The following CFAP161 variants were observed in gnomAD, a reference collection of about 807,000 sequenced individuals.
CFAP161 encodes the protein cilia- and flagella-associated protein 161.
CFAP161 carries 25 observed loss-of-function variants against 29.0 expected under a neutral mutation model. The observed-to-expected ratio is 0.86, with a 90% CI of 0.63 to 1.20. The LOEUF (loss-of-function observed/expected upper bound fraction) is 1.20. CFAP161 is among the 50% of genes most tolerant of loss of function. The pLI, the probability that CFAP161 is intolerant of heterozygous loss-of-function variation, is 0.00. For synonymous variants in CFAP161, 116 were observed against 137.4 expected (o/e 0.84, Z 1.09); for missense variants, 367 against 371.9 (o/e 0.99, Z 0.11).
At chr15:81,130,008 T>G (rs1489983265), upstream of CFAP161, among the ~76,000 whole-genome samples, 1 of 151,888 alleles carries the variant, frequency 6.6e-6, no homozygotes, top group Non-Finnish European at 1.5e-5. Flanking sequence ...ACATCAATGA[T>G]CTTAGCCAGA....
rs3086710 is a variant in CFAP161 at position 81,146,831 on chromosome 15, AATATATAT to A, written c.637-982_637-975del. Among the ~76,000 whole-genome samples, 522 of 70,434 alleles carry A rather than the reference AATATATAT, an allele frequency of 7.4e-3. 4 individuals are homozygous for A. The highest frequency in any genetic ancestry group is 0.015 in the Admixed American group (80 of 5,496). The allele number at this position is 70,434 out of a possible 152,430, so 46.2% of individuals were successfully genotyped here. A position where few individuals can be genotyped will look rare whatever the true frequency, so the allele number is the denominator to read the frequency against. On this transcript the variant is annotated intron_variant, in intron 5 of 6. Transcript: ENST00000286732. Reference sequence around the variant, plus strand: ...TTTGCTCTTAAATAGGATAGCTACAAATATATATATATATATATATATATATATATATA... The same window carrying A: ...TTTGCTCTTAAATAGGATAGCTACAAATATATATATATATATATATATATA...
At chr15:81,126,421 A>G (rs1290518618) in intron 1 of CFAP161, among the ~76,000 whole-genome samples, 1 of 152,220 alleles carries the variant, frequency 6.6e-6, no homozygotes, top group Non-Finnish European at 1.5e-5. Flanking sequence ...GCTGAATTGT[A>G]TAAGAAAAAT....
intron 1 of CFAP161, among the ~76,000 whole-genome samples, chr15:81,126,414 G>A (rs1330053867): frequency 6.6e-6 from 1 of 152,106 alleles, no homozygotes; most frequent in African/African-American, 2.4e-5. Flanking sequence ...AGGATTGGCT[G>A]AATTGTATAA....
Position 81,142,679 on chromosome 15 carries a change from T to C in CFAP161, c.478-983T>C, listed in dbSNP as rs543661998. Among the ~76,000 whole-genome samples, 16 of 152,326 alleles carry C rather than the reference T, an allele frequency of 1.1e-4. No individual in the cohort carries two copies. The South Asian group carries it at 2.3e-3, about 22-fold the overall frequency. The stretch of plus-strand genomic sequence containing the variant: ...TGAGGATAGTAACTCATCTCTGCCT[T>C]CCCCATAGTGCCTCACAGCACAGCC... On this transcript the variant is annotated intron_variant, in intron 4 of 6. Coordinates refer to ENST00000286732, the MANE Select transcript of CFAP161 (RefSeq NM_173528.4).
chr15:81,102,035 T>C (rs1471289383), intron 1 of CFAP161, among the ~76,000 whole-genome samples: 1 of 152,132 alleles, frequency 6.6e-6, no homozygotes, highest in African/African-American at 2.4e-5. Flanking sequence ...TGAACTGAGA[T>C]TGGCATTTAG....
intron 1 of CFAP161, among the ~76,000 whole-genome samples, chr15:81,116,435 AGGC>A (rs1422801299): frequency 1.3e-5 from 2 of 152,232 alleles, no homozygotes; most frequent in African/African-American, 4.8e-5. Context: ...CTGGGACTAC[AGGC>A]GCACGCCATA....
chr15:81,119,803 A>T (rs1354788951), intron 1 of CFAP161, among the ~76,000 whole-genome samples: 1 of 152,228 alleles, frequency 6.6e-6, no homozygotes, highest in African/African-American at 2.4e-5. Context: ...ATGGTGGTTC[A>T]TGCTTGTAAT....
intron 2 of CFAP161, among the ~76,000 whole-genome samples, chr15:81,135,975 G>A (rs987806107): frequency 5.9e-5 from 9 of 152,068 alleles, no homozygotes; most frequent in Non-Finnish European, 4.4e-5. Flanking sequence ...ACATGCACAC[G>A]TATGTTTATT....
At position 81,148,510 on chromosome 15, in the gene CFAP161, G is replaced by C. The variant is rs745465428; in HGVS notation, c.883G>C (p.Ala295Pro). ...AGAGGACACTCGAGCCATGGAGCAG[G>C]CCATGGGCCTTGACACGCAGTAACA... Reference protein sequence around the residue: ...PTEDTRAMEQAMGLDTQ With the variant: ...PTEDTRAMEQPMGLDTQ The change falls in exon 7 of 7, where the codon GCC becomes CCC. Residue 295 changes from alanine (A) to proline (P), a missense_variant. Physicochemically the swap from Ala to Pro is conservative, Grantham distance 27 (BLOSUM62 -1). Coordinates refer to ENST00000286732, the MANE Select transcript of CFAP161 (RefSeq NM_173528.4). 5.0e-6 allele frequency: 8 copies of C among 1,613,664 alleles called. No homozygotes were observed. In the Admixed American group the frequency reaches 1.2e-4, roughly 24 times the overall value.
At chr15:81,125,958 C>T (rs1036081030) in intron 1 of CFAP161, among the ~76,000 whole-genome samples, 5 of 152,192 alleles carry the variant, frequency 3.3e-5, no homozygotes, top group African/African-American at 4.8e-5. Flanking sequence ...CAACCTCCGT[C>T]TCCCGGGTTC....
At chr15:81,114,885 T>G (rs774487671) in intron 1 of CFAP161, among the ~76,000 whole-genome samples, 1 of 152,090 alleles carries the variant, frequency 6.6e-6, no homozygotes, top group African/African-American at 2.4e-5. Flanking sequence ...GGATGGTCTC[T>G]ATCTCCTGAC....
At chr15:81,133,083 A>G (rs1490009174), upstream of CFAP161, among the ~76,000 whole-genome samples, 1 of 150,606 alleles carries the variant, frequency 6.6e-6, no homozygotes, top group Non-Finnish European at 1.5e-5. Context: ...GCTCCAAAGC[A>G]GCCCCTCTCC....
chr15:81,146,015 G>A (rs941439158), intron 5 of CFAP161, among the ~76,000 whole-genome samples: 2 of 152,186 alleles, frequency 1.3e-5, no homozygotes, highest in South Asian at 2.1e-4. Flanking sequence ...GCAGTCAGTC[G>A]CTCATATTAG....
intron 5 of CFAP161, among the ~76,000 whole-genome samples, chr15:81,146,788 T>C (rs3902835): frequency 0.44 from 60,286 of 137,270 alleles, 16,675 homozygotes; most frequent in African/African-American, 0.78. Context: ...AATGGGGTCA[T>C]GCAAACCTGC....
intron 1 of CFAP161, among the ~76,000 whole-genome samples, chr15:81,116,348 C>T (rs186983345): frequency 6.6e-6 from 1 of 152,328 alleles, no homozygotes; most frequent in African/African-American, 2.4e-5. Context: ...GGCTGGAGTG[C>T]AGTGGCACAA....
At chr15:81,139,378 G>A (rs1404794291) in intron 4 of CFAP161, among the ~76,000 whole-genome samples, 1 of 152,170 alleles carries the variant, frequency 6.6e-6, no homozygotes, top group Non-Finnish European at 1.5e-5. Flanking sequence ...CAGATGGTAA[G>A]TTGCAGCCTG....
chr15:81,123,113 C>T (rs973867607), intron 1 of CFAP161, among the ~76,000 whole-genome samples: 3 of 152,142 alleles, frequency 2.0e-5, no homozygotes, highest in Non-Finnish European at 4.4e-5. Flanking sequence ...AATCTTTGCC[C>T]ATGCCAATGT....
At chr15:81,133,204 TATATATATATATATATATA>T (rs1161832310), upstream of CFAP161, among the ~76,000 whole-genome samples, 610 of 67,124 alleles carry the variant, frequency 9.1e-3, 18 homozygotes, top group South Asian at 0.026. Context: ...TATATATATA[TATATATATATATATATATA>T]TGTATTTTTT....
intron 1 of CFAP161, among the ~76,000 whole-genome samples, chr15:81,102,818 T>C (rs1044082122): frequency 3.9e-5 from 6 of 152,166 alleles, no homozygotes; most frequent in African/African-American, 1.4e-4. Flanking sequence ...CCAGGACAGA[T>C]GATAGGACAA....
Sources: gnomAD v4.1 joint callset for allele counts (sites outside exome capture counted in the v4.1 genomes callset) on GRCh38, gnomAD v4.1.1 for gene constraint, MANE v1.5 for transcripts, NCBI Gene and HGNC (gene_info 2026-07-23, HGNC 2026-07-21) for gene names.